The following TMEM132A variants were observed in gnomAD, a reference collection of about 807,000 sequenced individuals.
The protein encoded by TMEM132A is GRP78-binding protein.
Under a neutral mutation model 69.9 loss-of-function variants are expected in TMEM132A, and 48 were observed. That is an observed-to-expected ratio of 0.69 (90% confidence interval 0.55 to 0.87). TMEM132A has a LOEUF of 0.87. TMEM132A is among the 40% of genes least tolerant of loss of function. The pLI is 0.00. For missense variants in TMEM132A, 1,287 were observed against 1,407.2 expected (o/e 0.91, Z 1.37); for synonymous variants, 577 against 613.7 (o/e 0.94, Z 0.88).
At chr11:60,933,207 C>A in intron 7 of TMEM132A, 2 of 243,060 alleles carry the variant, frequency 8.2e-6, no homozygotes, top group Non-Finnish European at 7.8e-6. Flanking sequence ...TATTTTGAAA[C>A]AGAGTCTCAC....
rs927514751 is a variant in TMEM132A, at chr11:60,935,061, A to C, written c.1837-191A>C. Among the ~76,000 whole-genome samples the C allele has an allele frequency of 2.0e-5, 3 of 152,066 alleles. No homozygotes were observed. Among genetic ancestry groups the C allele is most frequent in the African/African-American group, 7.2e-5 (3 of 41,386 alleles). On this transcript the variant is annotated intron_variant, in intron 9 of 10. Coordinates refer to ENST00000453848, the MANE Select transcript of TMEM132A (RefSeq NM_178031.3). The surrounding 1 kb of genome is among the most constrained non-coding windows in gnomAD (Gnocchi z 5.0). ...GGGTCCAGGTATGCACCGGGGTGCA[A>C]AGAGTAGAGGGATAGTAGCCCATGA...
intron 7 of TMEM132A, chr11:60,933,174 CT>C (rs11291748): frequency 0.65 from 108,544 of 167,258 alleles, 34,243 homozygotes; most frequent in East Asian, 0.88. Context: ...TGGCCCATGC[CT>C]TTTTTTTTTT....
At chr11:60,931,436 G>A (rs1210745872) in intron 5 of TMEM132A, among the ~76,000 whole-genome samples, 1 of 152,170 alleles carries the variant, frequency 6.6e-6, no homozygotes, top group Non-Finnish European at 1.5e-5. Flanking sequence ...CTTGCCAGGT[G>A]GGAGGTGGTT....
At chr11:60,928,462 A>C (rs1484261731) in intron 3 of TMEM132A, among the ~76,000 whole-genome samples, 167 bp from the exon 4 acceptor site, 2 of 152,152 alleles carry the variant, frequency 1.3e-5, no homozygotes, top group Non-Finnish European at 2.9e-5. Flanking sequence ...TTGAAGCCCC[A>C]GCCAGGTTGC....
chr11:60,929,088 AAACT>A, intron 4 of TMEM132A, 128 bp downstream of exon 4: 1 of 611,134 alleles, frequency 1.6e-6, no homozygotes, highest in South Asian at 2.0e-5. Flanking sequence ...CCACCAAACT[AAACT>A]CCTTCCAGGT....
intron 4 of TMEM132A, among the ~76,000 whole-genome samples, chr11:60,929,903 G>GC (rs11386385): frequency 0.95 from 144,979 of 152,182 alleles, 69,466 homozygotes; most frequent in East Asian, 1. Flanking sequence ...GCAGAAAGGG[G>GC]CCCCAGTGGT....
In TMEM132A at chr11:60,928,939, C is replaced by T. The variant is rs1241626163; in HGVS notation, c.845C>T (p.Thr282Ile). The T allele has an allele frequency of 6.2e-7, 1 of 1,612,416 alleles. No individual in the cohort carries two copies. The highest frequency in any genetic ancestry group is 1.3e-5 in the African/African-American group (1 of 74,950). The change falls in exon 4 of 11, where the codon ACA (threonine) becomes ATA (isoleucine). Residue 282 changes from threonine (T) to isoleucine (I), a missense_variant. By Grantham distance (89) the Thr-to-Ile change is moderately conservative (BLOSUM62 -1). Transcript: ENST00000453848. ...ACCCTCCTGCTTCGGCACAACTTCA[C>T]AGCCAGCCTCCTGACCCTGCGGTGA... ...SATLLLRHNF[T>I]ASLLTLRIKV...
chr11:60,933,942 C>T (rs1455024803), intron 8 of TMEM132A, 198 bp downstream of exon 8: 7 of 589,468 alleles, frequency 1.2e-5, no homozygotes, highest in African/African-American at 7.5e-5. Flanking sequence ...GCATCCCTCT[C>T]CTCCTTCCCT....
Position 60,935,834 on chromosome 11 carries a change from T to C in TMEM132A, c.2029-30T>C. 6.2e-7 allele frequency: 1 copy of C among 1,607,280 alleles called. No homozygotes were observed. The highest frequency in any genetic ancestry group is 8.5e-7 in the Non-Finnish European group (1 of 1,178,056). ...CTGTGCATGCGTGCGTGCCCTCGCA[T>C]GTCTCTGCCTGTGTCTGTGTGCCCC... is the stretch of plus-strand genomic sequence containing the variant. On this transcript the variant is annotated intron_variant, in intron 10 of 10. Transcript: ENST00000453848. The surrounding 1 kb of genome is among the most constrained non-coding windows in gnomAD (Gnocchi z 5.0).
chr11:60,929,909 G>A (rs200332063), intron 4 of TMEM132A, among the ~76,000 whole-genome samples: 1 of 148,640 alleles, frequency 6.7e-6, no homozygotes, highest in South Asian at 2.1e-4. Flanking sequence ...AGGGGCCCCA[G>A]TGGTAGGGAA....
intron 1 of TMEM132A, chr11:60,925,104 T>G: frequency 2.9e-5 from 5 of 172,396 alleles, no homozygotes; most frequent in East Asian, 1.6e-4. Context: ...TGCACCCTCC[T>G]AGCCTCCTTC....
At chr11:60,930,423 T>C (rs1856450007) in intron 4 of TMEM132A, 87 bp from the exon 5 acceptor site, 1 of 1,450,844 alleles carries the variant, frequency 6.9e-7, no homozygotes, top group East Asian at 2.5e-5. Flanking sequence ...GGAGGTCAGA[T>C]GGCTTTGGCT....
At chr11:60,927,505 C>T in intron 2 of TMEM132A, 87 bp downstream of exon 2, 1 of 1,441,444 alleles carries the variant, frequency 6.9e-7, no homozygotes, top group Non-Finnish European at 9.4e-7. Flanking sequence ...TTCCCCAGCC[C>T]CGGCTGTGCT....
In TMEM132A at chr11:60,935,882, T is replaced by C. The variant is rs886847342; in HGVS notation, c.2047T>C (p.Trp683Arg). Reference sequence around the variant, plus strand: ...CCCACAGGAGGTGGCCCTCTCCCTATGGCTGTCCTTCTCTGATCACACTGT... The same window carrying C: ...CCCACAGGAGGTGGCCCTCTCCCTACGGCTGTCCTTCTCTGATCACACTGT... ...APKQEVALSL[W>R]LSFSDHTVAP... The change falls in exon 11 of 11, where the codon TGG (tryptophan) becomes CGG (arginine). Residue 683 changes from tryptophan to arginine, a missense_variant. Physicochemically the swap from Trp to Arg is moderately radical, Grantham distance 101. Transcript: ENST00000453848. The surrounding 1 kb of genome is among the most constrained non-coding windows in gnomAD (Gnocchi z 5.0). The C allele has an allele frequency of 1.2e-6, 2 of 1,611,920 alleles. No individual in the cohort carries two copies. Among genetic ancestry groups the C allele is most frequent in the Non-Finnish European group, 1.7e-6 (2 of 1,179,986 alleles).
chr11:60,936,120 C>T lies in TMEM132A; in HGVS notation c.2285C>T (p.Ala762Val), dbSNP rs1031395853. ...CGTGTGCCTCTGGCCTCTGGCACCG[C>T]CTGGCTGGGGCTGCCCCCTGCCTCC... The part of the protein sequence containing the change: ...RHRVPLASGT[A>V]WLGLPPASTP... The change falls in exon 11 of 11, where the codon GCC (alanine) becomes GTC (valine). Residue 762 changes from alanine (A) to valine (V), a missense_variant. Transcript: ENST00000453848. 1.9e-6 allele frequency: 3 copies of T among 1,613,346 alleles called. No homozygotes were observed. Among genetic ancestry groups the T allele is most frequent in the Non-Finnish European group, 1.7e-6 (2 of 1,179,810 alleles).
intron 7 of TMEM132A, 35 bp downstream of exon 7, chr11:60,932,162 AT>A: frequency 6.6e-7 from 1 of 1,514,980 alleles, no homozygotes. Flanking sequence ...GTGAGTCTGC[AT>A]TTGTGTGGGC....
chr11:60,934,911 G>A (rs760183227), intron 9 of TMEM132A, 147 bp downstream of exon 9: 2 of 908,592 alleles, frequency 2.2e-6, no homozygotes, highest in Non-Finnish European at 3.2e-6. Flanking sequence ...GTGGGATTGG[G>A]GATAGGCTCA....
chr11:60,931,619 T>C (rs928529139), intron 5 of TMEM132A, 70 bp from the exon 6 acceptor site: 17 of 1,454,420 alleles, frequency 1.2e-5, no homozygotes, highest in African/African-American at 2.8e-5. Context: ...TAATCATGAA[T>C]GCAGGAAGTG....
At chr11:60,930,386 TG>T in intron 4 of TMEM132A, 123 bp from the exon 5 acceptor site, 1 of 1,181,834 alleles carries the variant, frequency 8.5e-7, no homozygotes. Flanking sequence ...TGGAGGATGG[TG>T]AAGAGGAGAT....
Sources: gnomAD v4.1 joint callset for allele counts (sites outside exome capture counted in the v4.1 genomes callset) on GRCh38, gnomAD v4.1.1 for gene constraint, Gnocchi (gnomAD v3.1) non-coding constraint, MANE v1.5 for transcripts, NCBI Gene and HGNC (gene_info 2026-07-23, HGNC 2026-07-21) for gene names.